The following RBFOX1 variants were observed in gnomAD, a reference collection of about 807,000 sequenced individuals.
The protein encoded by RBFOX1 is RNA binding fox-1 homolog 1, also known as RNA binding protein fox-1 homolog 1.
RBFOX1 carries 8 observed loss-of-function variants against 57.7 expected under a neutral mutation model. That is an observed-to-expected ratio of 0.14 (90% CI 0.08 to 0.25). RBFOX1 has a LOEUF of 0.25. RBFOX1 is among the 10% of genes least tolerant of loss of function. The pLI is 1.00. For missense variants in RBFOX1, 611 were observed against 548.5 expected (o/e 1.11, Z -1.14); for synonymous variants, 326 against 222.4 (o/e 1.47, Z -4.15).
At chr16:6,109,385 A>G (rs905165628) in intron 1 of RBFOX1, among the ~76,000 whole-genome samples, 2 of 152,306 alleles carry the variant, frequency 1.3e-5, no homozygotes, top group East Asian at 1.9e-4. Context: ...TTGGAAAGAC[A>G]TGGGTCTCCT....
At chr16:5,630,560 G>A (rs142083776) in intron 3 of RBFOX1, among the ~76,000 whole-genome samples, 3 of 152,168 alleles carry the variant, frequency 2.0e-5, no homozygotes, top group Non-Finnish European at 4.4e-5. Flanking sequence ...TGCAGGCCAC[G>A]TCAGGACCTT....
chr16:5,240,112 GACGCGGGC>G (rs1386006750), intron 1 of RBFOX1: 1 of 1,513,062 alleles, frequency 6.6e-7, no homozygotes, highest in East Asian at 2.5e-5. Context: ...AGGAGTAAGT[GACGCGGGC>G]GCGGGGGTCC....
chr16:7,111,327 C>T (rs1871258), intron 4 of RBFOX1, among the ~76,000 whole-genome samples: 76,970 of 152,092 alleles, frequency 0.51, 19,659 homozygotes, highest in South Asian at 0.65. Context: ...TATGGGAACC[C>T]GACTTTGCAG....
chr16:6,695,413 CAAAAAAA>C (rs71145278), intron 3 of RBFOX1, among the ~76,000 whole-genome samples: 59 of 109,082 alleles, frequency 5.4e-4, no homozygotes, highest in Middle Eastern at 0.011. Context: ...GAAACTCTGT[CAAAAAAA>C]AAAAAAAAAA....
At chr16:5,525,670 G>T (rs1047297167) in intron 2 of RBFOX1, among the ~76,000 whole-genome samples, 2 of 151,800 alleles carry the variant, frequency 1.3e-5, no homozygotes, top group African/African-American at 2.4e-5. Flanking sequence ...GTTAATTTTT[G>T]TATTTTTAGT....
At chr16:5,827,650 G>A (rs2056112789) in intron 3 of RBFOX1, among the ~76,000 whole-genome samples, 1 of 152,108 alleles carries the variant, frequency 6.6e-6, no homozygotes. Flanking sequence ...GCAAAGAAAT[G>A]GCTGCAGCTG....
chr16:5,728,878 C>T (rs1396684600), intron 3 of RBFOX1, among the ~76,000 whole-genome samples: 1 of 152,180 alleles, frequency 6.6e-6, no homozygotes, highest in African/African-American at 2.4e-5. Context: ...AAAGTCTGTA[C>T]CTGTCAAAAT....
chr16:6,001,232 G>A (rs1467102131), intron 4 of RBFOX1, among the ~76,000 whole-genome samples: 3 of 152,216 alleles, frequency 2.0e-5, no homozygotes, highest in Non-Finnish European at 4.4e-5. Context: ...GAGCTCTCCA[G>A]TGGCTGAGTT....
chr16:5,377,674 A>C (rs1346364656), intron 1 of RBFOX1, among the ~76,000 whole-genome samples: 3 of 151,366 alleles, frequency 2.0e-5, no homozygotes, highest in Non-Finnish European at 4.4e-5. Context: ...ACGGAAGTTG[A>C]ATGCGGACCT....
chr16:6,056,809 C>G (rs372162246), intron 1 of RBFOX1, among the ~76,000 whole-genome samples: 1 of 150,050 alleles, frequency 6.7e-6, no homozygotes, highest in African/African-American at 2.5e-5. Context: ...ATTTGAGACA[C>G]TGGTTGACTG....
At chr16:6,380,407 T>C (rs900630662) in intron 2 of RBFOX1, among the ~76,000 whole-genome samples, 1 of 17,396 alleles carries the variant, frequency 5.7e-5, no homozygotes, top group Admixed American at 8.5e-4. Context: ...GATTTTTTTT[T>C]TTTTTTTTTT....
intron 3 of RBFOX1, among the ~76,000 whole-genome samples, chr16:7,047,716 C>CTTTTTTTTTTTTTTTTTTTTTTTTT (rs55636828): frequency 1.3e-4 from 6 of 47,916 alleles, no homozygotes; most frequent in Non-Finnish European, 1.9e-4. Context: ...TCCTGCATTT[C>CTTTTTTTTTTTTTTTTTTTTTTTTT]TTTTTTTTTT....
chr16:6,407,542 T>G (rs1461191086), intron 2 of RBFOX1, among the ~76,000 whole-genome samples: 3 of 74,108 alleles, frequency 4.0e-5, no homozygotes, highest in Non-Finnish European at 5.0e-5. Flanking sequence ...AGGAGAGGGG[T>G]GTGTGTGTGT....
chr16:6,938,695 C>T (rs1288948232), intron 3 of RBFOX1, among the ~76,000 whole-genome samples: 2 of 152,056 alleles, frequency 1.3e-5, no homozygotes, highest in East Asian at 1.9e-4. Context: ...CCATGTTGGC[C>T]AGGCTGGTCT....
chr16:5,291,463 C>G (rs2151175003), intron 1 of RBFOX1, among the ~76,000 whole-genome samples: 1 of 152,204 alleles, frequency 6.6e-6, no homozygotes, highest in African/African-American at 2.4e-5. Context: ...CGGGGTTTCA[C>G]CCTGTTAGCG....
At chr16:7,522,731 G>A (rs774776880) in intron 5 of RBFOX1, among the ~76,000 whole-genome samples, 7 of 152,160 alleles carry the variant, frequency 4.6e-5, no homozygotes, top group African/African-American at 9.6e-5. Flanking sequence ...GAATAATGGT[G>A]CAGGAAAGAA....
At chr16:5,639,623 T>A (rs1353274938) in intron 3 of RBFOX1, among the ~76,000 whole-genome samples, 1 of 152,192 alleles carries the variant, frequency 6.6e-6, no homozygotes, top group East Asian at 1.9e-4. Context: ...AGGGTCAGCA[T>A]GCATTCATCA....
chr16:7,409,014 C>G (rs1004099046), intron 4 of RBFOX1, among the ~76,000 whole-genome samples: 1 of 152,202 alleles, frequency 6.6e-6, no homozygotes. Flanking sequence ...CCTACTTTCT[C>G]CTGGGCTGGG....
chr16:7,528,078 G>C (rs2079099656), intron 5 of RBFOX1, among the ~76,000 whole-genome samples: 1 of 152,222 alleles, frequency 6.6e-6, no homozygotes, highest in Non-Finnish European at 1.5e-5. Flanking sequence ...AGATTCATTA[G>C]AGAAGGAAAT....
Sources: allele counts gnomAD v4.1 joint callset (sites outside exome capture counted in the v4.1 genomes callset), GRCh38; gene constraint gnomAD v4.1.1; transcripts MANE v1.5; gene names NCBI Gene and HGNC (gene_info 2026-07-23, HGNC 2026-07-21).